Variants in AFF1 observed in about 807,000 individuals in gnomAD.
The protein encoded by AFF1 is ALF transcription elongation factor 1.
A neutral mutation model predicts 121.7 loss-of-function variants in AFF1; 48 were observed. The observed-to-expected ratio is 0.39, with a 90% CI of 0.31 to 0.50. The LOEUF is 0.50. Ranked by LOEUF, AFF1 falls within the 20% of genes least tolerant of loss-of-function variation. The pLI is 0.76. For missense variants in AFF1, 1,523 were observed against 1,511.7 expected, an observed-to-expected ratio of 1.01 and a Z score of -0.12; for synonymous variants, 613 against 563.0, an observed-to-expected ratio of 1.09 and a Z score of -1.26.
chr4:86,984,684 C>T (rs1724069076), intron 2 of AFF1, among the ~76,000 whole-genome samples: 1 of 152,032 alleles, frequency 6.6e-6, no homozygotes, highest in African/African-American at 2.4e-5. Context: ...GCTTGTTATC[C>T]CAGCACTTTG....
intron 4 of AFF1, among the ~76,000 whole-genome samples, chr4:87,072,083 G>A (rs1432641983): frequency 1.3e-5 from 2 of 152,146 alleles, no homozygotes; most frequent in East Asian, 3.9e-4. Flanking sequence ...TAAATTCAGG[G>A]CTGGGCGTGG....
intron 2 of AFF1, among the ~76,000 whole-genome samples, chr4:87,015,633 ACC>A (rs1727217632): frequency 1.3e-5 from 2 of 152,022 alleles, no homozygotes; most frequent in South Asian, 4.1e-4. Context: ...ATTTGTTCTT[ACC>A]CTTAGGGCAG....
intron 2 of AFF1, among the ~76,000 whole-genome samples, chr4:86,982,923 G>A (rs56800179): frequency 0.039 from 5,900 of 149,370 alleles, 204 homozygotes; most frequent in African/African-American, 0.094. Flanking sequence ...GGTAGAAGAC[G>A]CCTTCTTTTA....
chr4:87,094,213 A>G (rs755948649), intron 7 of AFF1, among the ~76,000 whole-genome samples: 9 of 152,130 alleles, frequency 5.9e-5, no homozygotes, highest in Admixed American at 3.9e-4. Context: ...TTGTGATACA[A>G]TTCATTTTGT....
intron 1 of AFF1, among the ~76,000 whole-genome samples, chr4:86,945,754 A>T (rs1048315398): frequency 1.3e-5 from 2 of 151,930 alleles, no homozygotes; most frequent in African/African-American, 4.8e-5. Context: ...GGCCTCCCAA[A>T]GTGTTGGGAT....
intron 2 of AFF1, among the ~76,000 whole-genome samples, chr4:86,995,963 C>T (rs1725140829): frequency 8.4e-6 from 1 of 118,894 alleles, no homozygotes; most frequent in Non-Finnish European, 2.1e-5. Context: ...GCCCGGCCGC[C>T]CCGTCTGAGA....
At chr4:86,997,783 TAAGAGAA>T (rs1017531743) in intron 2 of AFF1, among the ~76,000 whole-genome samples, 1 of 145,480 alleles carries the variant, frequency 6.9e-6, no homozygotes, top group Non-Finnish European at 1.5e-5. Flanking sequence ...AATGCATACT[TAAGAGAA>T]AAGGATAGAA....
intron 2 of AFF1, among the ~76,000 whole-genome samples, chr4:87,022,580 A>ATATCTATCTATCTATATC (rs1194224274): frequency 1.1e-5 from 1 of 89,354 alleles, no homozygotes; most frequent in African/African-American, 5.3e-5. Context: ...ATATATATAT[A>ATATCTATCTATCTATATC]TATCTATCTA....
chr4:87,027,784 G>GTTTTTTT (rs35903702), intron 2 of AFF1, among the ~76,000 whole-genome samples: 31 of 90,592 alleles, frequency 3.4e-4, no homozygotes, highest in African/African-American at 5.3e-4. Flanking sequence ...TTGCTGTTGG[G>GTTTTTTT]TTTTTTTTTT....
intron 4 of AFF1, among the ~76,000 whole-genome samples, chr4:87,069,062 C>CT (rs1721682717): frequency 6.6e-6 from 1 of 152,188 alleles, no homozygotes; most frequent in East Asian, 1.9e-4. Context: ...TCTTGTTTCT[C>CT]TTCCCCCTTC....
chr4:87,095,062 T>C (rs1724691421), intron 8 of AFF1, 93 bp downstream of exon 8: 1 of 1,172,454 alleles, frequency 8.5e-7, no homozygotes, highest in East Asian at 2.5e-5. Context: ...TGCCTTTATG[T>C]AATGACATTA....
intron 2 of AFF1, among the ~76,000 whole-genome samples, chr4:86,958,501 T>C (rs952034538): frequency 6.6e-6 from 1 of 151,960 alleles, no homozygotes; most frequent in Non-Finnish European, 1.5e-5. Context: ...GTAAATCACC[T>C]GAGGGTCAGG....
intron 2 of AFF1, among the ~76,000 whole-genome samples, chr4:87,029,638 C>T (rs1018286389): frequency 1.3e-5 from 2 of 152,132 alleles, no homozygotes; most frequent in African/African-American, 2.4e-5. Flanking sequence ...CAGAGTGTCT[C>T]CTAGTGTTTC....
chr4:86,947,489 A>G (rs779429783), intron 1 of AFF1, among the ~76,000 whole-genome samples: 20 of 152,182 alleles, frequency 1.3e-4, no homozygotes, highest in Non-Finnish European at 2.5e-4. Context: ...AATGATTACA[A>G]ATTTAATGTG....
At chr4:87,087,462 G>A (rs236984) in intron 5 of AFF1, among the ~76,000 whole-genome samples, 64,970 of 152,044 alleles carry the variant, frequency 0.43, 14,223 homozygotes, top group South Asian at 0.51. Context: ...TCCAGAGCAG[G>A]ATGAGCAAGG....
chr4:87,029,917 T>C (rs1374243344), intron 2 of AFF1, among the ~76,000 whole-genome samples: 1 of 152,196 alleles, frequency 6.6e-6, no homozygotes, highest in Non-Finnish European at 1.5e-5. Flanking sequence ...GGCTGCCTGC[T>C]TGGCACACTT....
intron 2 of AFF1, among the ~76,000 whole-genome samples, chr4:87,025,616 G>T (rs1728451492): frequency 1.3e-5 from 2 of 152,146 alleles, no homozygotes; most frequent in South Asian, 4.1e-4. Flanking sequence ...GGGATATTTG[G>T]CAATGTCTGG....
At position 87,140,309 on chromosome 4, in the gene AFF1, CT is replaced by C; in HGVS notation, c.*4609del. 5.1e-6 allele frequency: 1 copy of C among 196,208 alleles called. No homozygotes were observed. Among genetic ancestry groups the C allele is most frequent in the Non-Finnish European group, 1.1e-5 (1 of 94,100 alleles). 12.2% of individuals were successfully genotyped at this position (196,208 alleles called of 1,614,324 possible). On this transcript the variant is annotated 3_prime_UTR_variant, in exon 21 of 21. Coordinates refer to ENST00000395146, the MANE Select transcript of AFF1 (RefSeq NM_001166693.3). ...ATTGTTAAAATTACTGCATATCCCC[CT>C]CAGATATCAAGTATACACTGTTCAT...
chr4:87,071,530 A>G (rs1041428931), intron 4 of AFF1, among the ~76,000 whole-genome samples: 1 of 152,090 alleles, frequency 6.6e-6, no homozygotes, highest in African/African-American at 2.4e-5. Flanking sequence ...TTAATAATAC[A>G]CTTCCTTCCC....
Sources: gnomAD v4.1 joint callset for allele counts (sites outside exome capture counted in the v4.1 genomes callset) on GRCh38, gnomAD v4.1.1 for gene constraint, MANE v1.5 for transcripts, NCBI Gene and HGNC (gene_info 2026-07-23, HGNC 2026-07-21) for gene names.